ZNF562: variants seen among roughly 807,000 people sequenced by gnomAD.
ZNF562 encodes the protein zinc finger protein 562.
ZNF562 carries 13 observed loss-of-function variants against 17.5 expected under a neutral mutation model. The ratio of observed to expected loss-of-function variants is 0.74; its 90% CI spans 0.48 to 1.18. The LOEUF (loss-of-function observed/expected upper bound fraction) is 1.18, where lower values mean the gene tolerates loss of function less well. Ranked by LOEUF, ZNF562 falls within the 50% of genes most tolerant of loss-of-function variation. The pLI, the probability that ZNF562 is intolerant of heterozygous loss-of-function variation, is 0.00. For missense variants in ZNF562, 481 were observed against 498.5 expected, an observed-to-expected ratio of 0.96 and a Z score of 0.33; for synonymous variants, 163 against 165.4, an observed-to-expected ratio of 0.99 and a Z score of 0.11.
At chr19:9,654,290 A>G (rs2043377619) in intron 5 of ZNF562, among the ~76,000 whole-genome samples, 1 of 151,748 alleles carries the variant, frequency 6.6e-6, no homozygotes, top group Admixed American at 6.6e-5. Flanking sequence ...CATGCACAAC[A>G]TGTTTTACTT....
chr19:9,671,501 G>T (rs190174629), intron 1 of ZNF562, among the ~76,000 whole-genome samples: 1 of 152,296 alleles, frequency 6.6e-6, no homozygotes, highest in Admixed American at 6.5e-5. Context: ...ACCCAGCATG[G>T]AGGTTTCTCA....
At chr19:9,672,772 CCTTT>C (rs1256212049) in intron 1 of ZNF562, among the ~76,000 whole-genome samples, 5 of 140,356 alleles carry the variant, frequency 3.6e-5, no homozygotes, top group East Asian at 2.0e-4. Flanking sequence ...AGTATTATTG[CCTTT>C]CTTTTTTTTT....
rs750988766 is a variant in ZNF562 at position 9,653,757 on chromosome 19, T to C, written c.473A>G (p.Tyr158Cys). 11 of 1,614,092 alleles carry C rather than the reference T, an allele frequency of 6.8e-6. No individual in the cohort carries two copies. Among genetic ancestry groups the C allele is most frequent in the South Asian group, 5.5e-5 (5 of 91,082 alleles). The change falls in exon 6 of 6, where the codon TAT (tyrosine) becomes TGT (cysteine). Residue 158 changes from tyrosine (Y) to cysteine (C), a missense_variant. Coordinates refer to ENST00000453372, the MANE Select transcript of ZNF562 (RefSeq NM_001130031.2). ...NGGNTFEGNCYGKDSISVHKE... is the reference protein window; with the variant it reads ...NGGNTFEGNCCGKDSISVHKE... The stretch of plus-strand genomic sequence containing the variant: ...GTGCACACTGATGCTGTCTTTTCCA[T>C]AACAATTACCCTCAAAAGTGTTCCC...
chr19:9,657,985 C>G, intron 4 of ZNF562, 24 bp downstream of exon 4: 3 of 1,599,976 alleles, frequency 1.9e-6, no homozygotes, highest in Middle Eastern at 3.3e-4. Flanking sequence ...GCCACCATGC[C>G]AAGCAAAGTG....
chr19:9,648,155 C>A lies in ZNF562; in HGVS notation c.*4794G>T, dbSNP rs1203989423. The A allele has an allele frequency of 2.0e-5, 3 of 152,102 alleles. No individual in the cohort carries two copies. Among genetic ancestry groups the A allele is most frequent in the South Asian group, 2.1e-4 (1 of 4,828 alleles). 9.4% of individuals were successfully genotyped at this position (152,102 alleles called of 1,614,324 possible). A position where few individuals can be genotyped will look rare whatever the true frequency, so the allele number is the denominator to read the frequency against. ...TTAAGGGACAATTTTTTAAAAATCA[C>A]AATGTTATTCAAACATAGCTCCATA... On this transcript the variant is annotated 3_prime_UTR_variant, in exon 6 of 6. Transcript: ENST00000453372.
At chr19:9,674,440 G>T (rs183182858) in intron 1 of ZNF562, among the ~76,000 whole-genome samples, 2 of 152,052 alleles carry the variant, frequency 1.3e-5, no homozygotes, top group Non-Finnish European at 2.9e-5. Context: ...ACTTGAACCC[G>T]GGAGGTGAAA....
chr19:9,655,473 G>T (rs1303302460), intron 5 of ZNF562, among the ~76,000 whole-genome samples: 1 of 152,028 alleles, frequency 6.6e-6, no homozygotes, highest in African/African-American at 2.4e-5. Context: ...TCTCTCTCAA[G>T]TATCTCTCAT....
At position 9,646,848 on chromosome 19, in the gene ZNF562, T is replaced by G. The variant is rs2074810345; in HGVS notation, c.*6101A>C. Reference sequence around the variant, plus strand: ...GTGCAGTGGCAAGAACTCAACTCACTGCAACCTTCGCCTCCCAGATTCAAG... The same window carrying G: ...GTGCAGTGGCAAGAACTCAACTCACGGCAACCTTCGCCTCCCAGATTCAAG... On this transcript the variant is annotated 3_prime_UTR_variant, in exon 6 of 6. Transcript: ENST00000453372. 6.6e-6 allele frequency: 1 copy of G among 151,418 alleles called. No individual in the cohort carries two copies. The highest frequency in any genetic ancestry group is 2.4e-5 in the African/African-American group (1 of 41,194). 9.4% of individuals were successfully genotyped at this position (151,418 alleles called of 1,614,324 possible).
In ZNF562 at chr19:9,652,381, A is replaced by G. The variant is rs1383575307; in HGVS notation, c.*568T>C. On this transcript the variant is annotated 3_prime_UTR_variant, in exon 6 of 6. Transcript: ENST00000453372. ...ACCTTGGAGGAGCATCTTTTTAACA[A>G]TCCACCTCTGGGGCCTACATCATCT... 2 of 152,380 alleles carry G rather than the reference A, an allele frequency of 1.3e-5. No homozygotes were observed. Among genetic ancestry groups the G allele is most frequent in the Admixed American group, 1.3e-4 (2 of 15,294 alleles). The allele number at this position is 152,380 out of a possible 1,614,324, so 9.4% of individuals were successfully genotyped here.
rs1222584890 is a variant in ZNF562, at chr19:9,649,190, A to T, written c.*3759T>A. On this transcript the variant is annotated 3_prime_UTR_variant, in exon 6 of 6. Transcript: ENST00000453372. ...ATGGACACTTATCACTTCCCCAGTC[A>T]ATACCCTTGTGATTTCCTATGCCTG... 1.3e-5 allele frequency: 2 copies of T among 152,196 alleles called. No homozygotes were observed. The highest frequency in any genetic ancestry group is 2.9e-5 in the Non-Finnish European group (2 of 68,034). 9.4% of individuals were successfully genotyped at this position (152,196 alleles called of 1,614,324 possible). A position where few individuals can be genotyped will look rare whatever the true frequency, so the allele number is the denominator to read the frequency against.
intron 1 of ZNF562, among the ~76,000 whole-genome samples, chr19:9,663,830 T>C (rs2043849079): frequency 6.6e-6 from 1 of 151,148 alleles, no homozygotes; most frequent in African/African-American, 2.4e-5. Flanking sequence ...GACTCCAGAG[T>C]AGCTGGGACT....
At chr19:9,657,921 G>A (rs550249020) in intron 4 of ZNF562, 88 bp downstream of exon 4, 2 of 1,475,368 alleles carry the variant, frequency 1.4e-6, no homozygotes, top group South Asian at 2.9e-5. Flanking sequence ...AAACTCCCAG[G>A]CTCCAGCGAT....
intron 5 of ZNF562, 111 bp from the exon 6 acceptor site, chr19:9,653,992 A>ATT (rs57141679): frequency 0.023 from 22,762 of 992,076 alleles, 16 homozygotes; most frequent in African/African-American, 0.044. Context: ...TTAATGTTTA[A>ATT]TTTTTTTTTT....
At position 9,653,536 on chromosome 19, in the gene ZNF562, A is replaced by G; in HGVS notation, c.694T>C (p.Cys232Arg). 1 of 1,614,216 alleles carries G rather than the reference A, an allele frequency of 6.2e-7. No homozygotes were observed. The highest frequency in any genetic ancestry group is 1.1e-5 in the South Asian group (1 of 91,088). Residue 232 changes from cysteine (C) to arginine (R), a missense_variant, in exon 6 of 6, where the codon TGT becomes CGT. By Grantham distance (180) the Cys-to-Arg change is radical (BLOSUM62 -3). Coordinates refer to ENST00000453372, the MANE Select transcript of ZNF562 (RefSeq NM_001130031.2). The part of the protein sequence containing the change: ...HMGIHIGEKL[C>R]EFQECERAIT... ...GCTCTCTCACATTCCTGAAATTCACAGAGTTTCTCTCCAATGTGGATTCCC... is the reference window on the plus strand; with the variant it reads ...GCTCTCTCACATTCCTGAAATTCACGGAGTTTCTCTCCAATGTGGATTCCC...
intron 1 of ZNF562, among the ~76,000 whole-genome samples, chr19:9,669,469 G>C (rs1237893393): frequency 6.6e-6 from 1 of 152,094 alleles, no homozygotes; most frequent in African/African-American, 2.4e-5. Context: ...ATGCTGATGA[G>C]GATATGGTGA....
intron 1 of ZNF562, among the ~76,000 whole-genome samples, chr19:9,663,911 C>A (rs1233818685): frequency 6.6e-6 from 1 of 151,816 alleles, no homozygotes; most frequent in Non-Finnish European, 1.5e-5. Context: ...CCACCATTCC[C>A]AGCTATTTTT....
chr19:9,669,534 G>A (rs1212390753), intron 1 of ZNF562, among the ~76,000 whole-genome samples: 1 of 152,088 alleles, frequency 6.6e-6, no homozygotes, highest in Non-Finnish European at 1.5e-5. Flanking sequence ...AGCCACTGTA[G>A]AGAACAATAT....
chr19:9,672,772 C>T (rs913781658), intron 1 of ZNF562, among the ~76,000 whole-genome samples: 2 of 140,330 alleles, frequency 1.4e-5, no homozygotes, highest in Non-Finnish European at 3.0e-5. Context: ...AGTATTATTG[C>T]CTTTCTTTTT....
chr19:9,649,670 G>A lies in ZNF562; in HGVS notation c.*3279C>T, dbSNP rs1342496679. 1 of 152,152 alleles carries A rather than the reference G, an allele frequency of 6.6e-6. No homozygotes were observed. Among genetic ancestry groups the A allele is most frequent in the Non-Finnish European group, 1.5e-5 (1 of 68,036 alleles). The allele number at this position is 152,152 out of a possible 1,614,324, so 9.4% of individuals were successfully genotyped here. A position where few individuals can be genotyped will look rare whatever the true frequency, so the allele number is the denominator to read the frequency against. On this transcript the variant is annotated 3_prime_UTR_variant, in exon 6 of 6. Transcript: ENST00000453372. ...CACCTAATAAATTTTAGTCAGACCA[G>A]TTGATCTCAAAACCGTCTCCTGATA...
Sources: gnomAD v4.1 joint callset for allele counts (sites outside exome capture counted in the v4.1 genomes callset) on GRCh38, gnomAD v4.1.1 for gene constraint, MANE v1.5 for transcripts, NCBI Gene and HGNC (gene_info 2026-07-23, HGNC 2026-07-21) for gene names.